The following TOGARAM2 variants were observed in gnomAD, a reference collection of about 807,000 sequenced individuals.
TOGARAM2 encodes the protein TOG array regulator of axonemal microtubules 2.
Under a neutral mutation model 93.3 loss-of-function variants are expected in TOGARAM2, and 85 were observed. The ratio of observed to expected loss-of-function variants is 0.91; its 90% CI spans 0.76 to 1.09. TOGARAM2 has a LOEUF of 1.09. Among genes scored for constraint, TOGARAM2 ranks in the 50% least tolerant of loss-of-function variants. The probability of loss-of-function intolerance (pLI) is 0.00; values close to 1 mark genes in which losing one functional copy is unlikely to be tolerated. For synonymous variants in TOGARAM2, 593 were observed against 552.8 expected, an observed-to-expected ratio of 1.07 and a Z score of -1.02; for missense variants, 1,277 against 1,334.5, an observed-to-expected ratio of 0.96 and a Z score of 0.67.
At chr2:29,015,702 C>T (rs1175823914) in intron 8 of TOGARAM2, among the ~76,000 whole-genome samples, 1 of 152,162 alleles carries the variant, frequency 6.6e-6, no homozygotes, top group Non-Finnish European at 1.5e-5. Flanking sequence ...ACCTTGACCC[C>T]ATCGCAGCTT....
chr2:29,050,673 A>G (rs1472743228), intron 19 of TOGARAM2: 1 of 152,216 alleles, frequency 6.6e-6, no homozygotes, highest in Non-Finnish European at 1.5e-5. Context: ...CAGAATCAAT[A>G]AAGCGCTGCT....
At chr2:28,987,359 G>A (rs573105939) in intron 1 of TOGARAM2, among the ~76,000 whole-genome samples, 98 of 152,128 alleles carry the variant, frequency 6.4e-4, no homozygotes, top group African/African-American at 2.3e-3. Flanking sequence ...GCATGATCTC[G>A]GTTCACTGCA....
chr2:28,999,709 A>G (rs1346277145), intron 4 of TOGARAM2, among the ~76,000 whole-genome samples: 1 of 152,174 alleles, frequency 6.6e-6, no homozygotes, highest in Non-Finnish European at 1.5e-5. Flanking sequence ...TGCGCCTTCT[A>G]GTCTTGCTCC....
intron 18 of TOGARAM2, among the ~76,000 whole-genome samples, chr2:29,043,819 C>T (rs368249215): frequency 4.6e-5 from 7 of 152,236 alleles, no homozygotes; most frequent in African/African-American, 7.2e-5. Context: ...ATTTTTCTCA[C>T]GTTGTGTGTC....
At chr2:28,986,180 C>T (rs1171119273) in intron 1 of TOGARAM2, among the ~76,000 whole-genome samples, 2 of 151,278 alleles carry the variant, frequency 1.3e-5, no homozygotes, top group Admixed American at 1.3e-4. Flanking sequence ...CGTGCAGTGC[C>T]CAACCTAGAC....
At chr2:29,045,061 C>T (rs567334703) in intron 18 of TOGARAM2, among the ~76,000 whole-genome samples, 14 of 152,282 alleles carry the variant, frequency 9.2e-5, no homozygotes, top group South Asian at 4.1e-4. Context: ...AATTTTGAGA[C>T]GCACAGGCAA....
chr2:28,996,440 C>A (rs1018613575), intron 2 of TOGARAM2, among the ~76,000 whole-genome samples: 3 of 152,118 alleles, frequency 2.0e-5, no homozygotes, highest in African/African-American at 7.2e-5. Context: ...CTGTTCTCTG[C>A]CTCTGTGAGA....
intron 1 of TOGARAM2, among the ~76,000 whole-genome samples, chr2:28,969,410 G>A (rs1317331390): frequency 6.6e-6 from 1 of 152,234 alleles, no homozygotes; most frequent in Non-Finnish European, 1.5e-5. Flanking sequence ...TTGGTCCCGG[G>A]TGGGCAGCTT....
rs754936939 is a variant in TOGARAM2, at chr2:29,022,124, C to T, written c.1361-34C>T. On this transcript the variant is annotated intron_variant, in intron 10 of 19. Transcript: ENST00000379558. Reference sequence around the variant, plus strand: ...ACTCGGGCTCTTGCCTGTCCTGCTGCGTGAAGCCTGCTGTTTCTTTCTTGT... The same window carrying T: ...ACTCGGGCTCTTGCCTGTCCTGCTGTGTGAAGCCTGCTGTTTCTTTCTTGT... The T allele has an allele frequency of 1.2e-5, 20 of 1,613,246 alleles. 1 individual carries two copies. The highest frequency in any genetic ancestry group is 3.4e-4 in the Middle Eastern group (2 of 5,922).
chr2:29,018,807 A>G (rs950159840), intron 10 of TOGARAM2, among the ~76,000 whole-genome samples: 4 of 152,206 alleles, frequency 2.6e-5, no homozygotes, highest in African/African-American at 9.6e-5. Context: ...CAGGAACCAT[A>G]GTTGCTTCTG....
At chr2:29,036,001 T>C (rs1380746914) in intron 17 of TOGARAM2, among the ~76,000 whole-genome samples, 1 of 152,024 alleles carries the variant, frequency 6.6e-6, no homozygotes, top group Non-Finnish European at 1.5e-5. Flanking sequence ...GACTTGGCTG[T>C]GATGGCTGGA....
chr2:29,043,265 T>C (rs770505587), intron 18 of TOGARAM2, among the ~76,000 whole-genome samples: 1 of 152,222 alleles, frequency 6.6e-6, no homozygotes, highest in South Asian at 2.1e-4. Context: ...GATTTGCGGA[T>C]GGAGCTTTTG....
chr2:29,010,586 A>T (rs922301433), intron 6 of TOGARAM2, among the ~76,000 whole-genome samples: 7 of 152,046 alleles, frequency 4.6e-5, no homozygotes, highest in African/African-American at 1.7e-4. Flanking sequence ...CTCTGAGGCC[A>T]GTGTGTGGGA....
intron 6 of TOGARAM2, among the ~76,000 whole-genome samples, chr2:29,008,828 A>G (rs1292792664): frequency 6.6e-6 from 1 of 151,514 alleles, no homozygotes; most frequent in Admixed American, 6.6e-5. Context: ...TATGTCAAAA[A>G]CCTCTGTGGC....
intron 19 of TOGARAM2, chr2:29,048,895 G>C (rs889314839): frequency 2.1e-5 from 3 of 145,230 alleles, no homozygotes; most frequent in Non-Finnish European, 3.0e-5. Context: ...TGTTGCCCAG[G>C]CTGGGGTGTA....
intron 1 of TOGARAM2, among the ~76,000 whole-genome samples, chr2:28,968,542 C>G (rs1307505278): frequency 6.6e-6 from 1 of 151,972 alleles, no homozygotes; most frequent in Non-Finnish European, 1.5e-5. Flanking sequence ...CATATGCACC[C>G]TAGGAAAAGT....
At chr2:29,044,178 A>G (rs1666600901) in intron 18 of TOGARAM2, among the ~76,000 whole-genome samples, 1 of 152,132 alleles carries the variant, frequency 6.6e-6, no homozygotes, top group Non-Finnish European at 1.5e-5. Flanking sequence ...TGGTTGGTGG[A>G]GCTGGGATTG....
intron 1 of TOGARAM2, among the ~76,000 whole-genome samples, chr2:28,985,370 T>C (rs1456147140): frequency 6.6e-6 from 1 of 152,102 alleles, no homozygotes; most frequent in African/African-American, 2.4e-5. Flanking sequence ...TTTGTTTTGT[T>C]TTTGTTTTTG....
At chr2:29,015,685 C>T (rs745593786) in intron 8 of TOGARAM2, among the ~76,000 whole-genome samples, 27 of 152,184 alleles carry the variant, frequency 1.8e-4, no homozygotes, top group Non-Finnish European at 3.5e-4. Flanking sequence ...ACGGTTAGTC[C>T]TTGTCTACCT....
Sources: gnomAD v4.1 joint callset for allele counts (sites outside exome capture counted in the v4.1 genomes callset) on GRCh38, gnomAD v4.1.1 for gene constraint, MANE v1.5 for transcripts, NCBI Gene and HGNC (gene_info 2026-07-23, HGNC 2026-07-21) for gene names.